CCDC112: variants seen among roughly 807,000 people sequenced by gnomAD.
CCDC112 encodes coiled-coil domain-containing protein 112.
A neutral mutation model predicts 66.3 loss-of-function variants in CCDC112; 40 were observed. That is an observed-to-expected ratio of 0.60 (90% CI 0.47 to 0.79). The LOEUF (loss-of-function observed/expected upper bound fraction) is 0.79, where lower values mean the gene tolerates loss of function less well. Ranked by LOEUF, CCDC112 falls within the 30% of genes least tolerant of loss-of-function variation. The probability of loss-of-function intolerance (pLI) is 0.00; values close to 1 mark genes in which losing one functional copy is unlikely to be tolerated. For missense variants in CCDC112, 659 were observed against 603.8 expected (o/e 1.09, Z -0.96); for synonymous variants, 214 against 197.2 (o/e 1.09, Z -0.71).
chr5:115,279,173 T>C (rs1050683698), intron 3 of CCDC112, among the ~76,000 whole-genome samples: 1 of 152,184 alleles, frequency 6.6e-6, no homozygotes. Context: ...TTTTAGAATG[T>C]AGACAAGGAA....
intron 1 of CCDC112, among the ~76,000 whole-genome samples, chr5:115,293,774 T>G (rs1387531514): frequency 6.6e-6 from 1 of 152,190 alleles, no homozygotes; most frequent in Non-Finnish European, 1.5e-5. Context: ...CAGTCACAGG[T>G]GAAAATAGTT....
Position 115,296,585 on chromosome 5 carries a change from C to A in CCDC112, c.-42G>T. Reference sequence around the variant, plus strand: ...ACTCGGGCCGCGGCGGCCACCGGTGCCTGGGGATTCGTGGCAGGCGCACCC... The same window carrying A: ...ACTCGGGCCGCGGCGGCCACCGGTGACTGGGGATTCGTGGCAGGCGCACCC... On this transcript the variant is annotated 5_prime_UTR_variant, in exon 1 of 10. Transcript: ENST00000379611. 1 of 1,425,924 alleles carries A rather than the reference C, an allele frequency of 7.0e-7. No homozygotes were observed. Among genetic ancestry groups the A allele is most frequent in the Admixed American group, 2.9e-5 (1 of 34,474 alleles). 88.3% of individuals were successfully genotyped at this position (1,425,924 alleles called of 1,614,324 possible).
chr5:115,271,262 G>C lies in CCDC112; in HGVS notation c.1283C>G (p.Ala428Gly), dbSNP rs768034782. The C allele has an allele frequency of 1.2e-5, 19 of 1,585,896 alleles. No individual in the cohort carries two copies. The highest frequency in any genetic ancestry group is 1.6e-5 in the Non-Finnish European group (19 of 1,172,828). Residue 428 changes from alanine to glycine, a missense_variant, in exon 7 of 10, where the codon GCA becomes GGA. Physicochemically the swap from Ala to Gly is moderately conservative, Grantham distance 60. Coordinates refer to ENST00000379611, the MANE Select transcript of CCDC112 (RefSeq NM_001040440.3). ...EKEIREKAEK[A>G]EKRKNAADEI... is the part of the protein sequence containing the mutation. ...ATCAGCAGCATTTTTCCTTTTTTCT[G>C]CCTTTTCTGCCTTTTCCCTTATCTC...
intron 1 of CCDC112, among the ~76,000 whole-genome samples, chr5:115,285,567 A>T (rs898689117): frequency 3.3e-5 from 5 of 152,074 alleles, no homozygotes; most frequent in Admixed American, 2.6e-4. Context: ...AGAAAGGCCA[A>T]TTGTGTCATG....
At chr5:115,284,659 T>A in intron 2 of CCDC112, 128 bp downstream of exon 2, 1 of 593,422 alleles carries the variant, frequency 1.7e-6, no homozygotes, top group South Asian at 3.4e-5. Context: ...CTTGTTATAT[T>A]TGACAGGCTA....
At chr5:115,281,015 T>A (rs1184934041) in intron 2 of CCDC112, among the ~76,000 whole-genome samples, 1 of 150,324 alleles carries the variant, frequency 6.7e-6, no homozygotes, top group Non-Finnish European at 1.5e-5. Context: ...CACTTTGCCA[T>A]ACATAGAGAA....
intron 1 of CCDC112, among the ~76,000 whole-genome samples, chr5:115,293,144 C>G (rs1750005978): frequency 6.6e-6 from 1 of 152,224 alleles, no homozygotes; most frequent in Non-Finnish European, 1.5e-5. Flanking sequence ...GAATCTAACA[C>G]AGAGTAGAAC....
intron 6 of CCDC112, among the ~76,000 whole-genome samples, chr5:115,274,079 G>C (rs570558070): frequency 7.2e-5 from 11 of 152,014 alleles, no homozygotes; most frequent in African/African-American, 2.4e-4. Flanking sequence ...TGTTAAACCA[G>C]GTAAGTCAAA....
chr5:115,291,778 C>T (rs59558650), intron 1 of CCDC112, among the ~76,000 whole-genome samples: 3,278 of 152,254 alleles, frequency 0.022, 136 homozygotes, highest in African/African-American at 0.075. Flanking sequence ...TTTTGCTGTA[C>T]AAAGAACAAC....
At chr5:115,296,311 C>G in intron 1 of CCDC112, 116 bp downstream of exon 1, 7 of 1,344,898 alleles carry the variant, frequency 5.2e-6, no homozygotes, top group African/African-American at 1.5e-5. Flanking sequence ...TGCCAGGCCC[C>G]GAGCAGGGGA....
At chr5:115,287,855 T>G (rs1335084949) in intron 1 of CCDC112, among the ~76,000 whole-genome samples, 2 of 152,072 alleles carry the variant, frequency 1.3e-5, no homozygotes, top group Non-Finnish European at 2.9e-5. Flanking sequence ...GCTTTTTTCT[T>G]TTATTTTTCT....
rs998471761 is a variant in CCDC112 at position 115,296,605 on chromosome 5, G to A, written c.-62C>T. ...CGGTGCCTGGGGATTCGTGGCAGGC[G>A]CACCCTGGCCTCTGCAGACAGCTCC... On this transcript the variant is annotated 5_prime_UTR_variant, in exon 1 of 10. Coordinates refer to ENST00000379611, the MANE Select transcript of CCDC112 (RefSeq NM_001040440.3). The A allele has an allele frequency of 5.5e-5, 77 of 1,401,688 alleles. No individual in the cohort carries two copies. The highest frequency in any genetic ancestry group is 5.8e-5 in the Non-Finnish European group (63 of 1,081,908). The allele number at this position is 1,401,688 out of a possible 1,614,324, so 86.8% of individuals were successfully genotyped here.
intron 7 of CCDC112, among the ~76,000 whole-genome samples, chr5:115,270,387 C>G (rs1307179451): frequency 6.6e-6 from 1 of 152,124 alleles, no homozygotes; most frequent in Non-Finnish European, 1.5e-5. Context: ...CATTTGCACC[C>G]TTTTTCATTT....
intron 1 of CCDC112, among the ~76,000 whole-genome samples, chr5:115,293,333 G>GA (rs201541361): frequency 1.3e-5 from 2 of 151,992 alleles, no homozygotes; most frequent in East Asian, 3.8e-4. Flanking sequence ...TGTTTCACCA[G>GA]AAAAAAATAA....
intron 1 of CCDC112, among the ~76,000 whole-genome samples, chr5:115,287,333 T>C (rs927555527): frequency 1.3e-5 from 2 of 152,220 alleles, no homozygotes; most frequent in African/African-American, 4.8e-5. Context: ...TTAAGGAATG[T>C]CTACTTAAAT....
chr5:115,282,513 T>C (rs1364029486), intron 2 of CCDC112, among the ~76,000 whole-genome samples: 1 of 152,158 alleles, frequency 6.6e-6, no homozygotes. Context: ...ATATTTGACT[T>C]ACCTAACTAT....
At chr5:115,292,581 C>T (rs1749981004) in intron 1 of CCDC112, among the ~76,000 whole-genome samples, 1 of 152,206 alleles carries the variant, frequency 6.6e-6, no homozygotes, top group African/African-American at 2.4e-5. Context: ...AAAGACTGGA[C>T]ATATAAAATA....
intron 8 of CCDC112, among the ~76,000 whole-genome samples, chr5:115,269,379 A>G (rs1748905008): frequency 6.6e-6 from 1 of 152,190 alleles, no homozygotes; most frequent in African/African-American, 2.4e-5. Flanking sequence ...AGCTCTGAGT[A>G]CTGCAAGAGA....
intron 3 of CCDC112, 118 bp from the exon 4 acceptor site, chr5:115,277,172 C>G: frequency 1.7e-6 from 1 of 596,390 alleles, no homozygotes; most frequent in Admixed American, 3.0e-5. Flanking sequence ...AAATAAAGAA[C>G]AAAAGATATT....
Sources: allele counts gnomAD v4.1 joint callset (sites outside exome capture counted in the v4.1 genomes callset), GRCh38; gene constraint gnomAD v4.1.1; transcripts MANE v1.5; gene names NCBI Gene and HGNC (gene_info 2026-07-23, HGNC 2026-07-21).